XRCC1: variants seen among roughly 807,000 people sequenced by gnomAD.
XRCC1 encodes DNA repair protein XRCC1.
XRCC1 carries 52 observed loss-of-function variants against 83.3 expected under a neutral mutation model. The observed-to-expected ratio is 0.62, with a 90% CI of 0.50 to 0.79. The LOEUF (loss-of-function observed/expected upper bound fraction) is 0.79. Among genes scored for constraint, XRCC1 ranks in the 30% least tolerant of loss-of-function variants. The pLI, the probability that XRCC1 is intolerant of heterozygous loss-of-function variation, is 0.00. For synonymous variants in XRCC1, 281 were observed against 312.6 expected, an observed-to-expected ratio of 0.90 and a Z score of 1.07; for missense variants, 793 against 823.5, an observed-to-expected ratio of 0.96 and a Z score of 0.45.
At chr19:43,552,562 A>T (rs976803837) in intron 8 of XRCC1, among the ~76,000 whole-genome samples, 3 of 126,050 alleles carry the variant, frequency 2.4e-5, no homozygotes, top group African/African-American at 9.3e-5. Context: ...CTCCTCTCTC[A>T]GACCCAGGGG....
At chr19:43,573,681 T>C (rs1405961099) in intron 2 of XRCC1, among the ~76,000 whole-genome samples, 1 of 151,960 alleles carries the variant, frequency 6.6e-6, no homozygotes, top group Non-Finnish European at 1.5e-5. Context: ...GAGACCAGCC[T>C]GGCAACATGG....
chr19:43,573,296 T>G (rs1972822740), intron 2 of XRCC1, among the ~76,000 whole-genome samples: 1 of 152,124 alleles, frequency 6.6e-6, no homozygotes, highest in South Asian at 2.1e-4. Context: ...TCCATGAGAT[T>G]CCACAGTTTT....
At chr19:43,562,475 G>A (rs1972710235) in intron 2 of XRCC1, among the ~76,000 whole-genome samples, 1 of 152,164 alleles carries the variant, frequency 6.6e-6, no homozygotes, top group African/African-American at 2.4e-5. Flanking sequence ...CAGGCGCAGT[G>A]GCTCACGTCT....
chr19:43,551,739 A>G (rs1972577355), intron 9 of XRCC1, 52 bp from the exon 10 acceptor site: 5 of 1,386,318 alleles, frequency 3.6e-6, no homozygotes, highest in Non-Finnish European at 5.1e-6. Flanking sequence ...TGAGGGGCAA[A>G]GGGGAACGAG....
At chr19:43,546,293 C>T (rs1972508870) in intron 12 of XRCC1, among the ~76,000 whole-genome samples, 187 bp from the exon 13 acceptor site, 1 of 150,638 alleles carries the variant, frequency 6.6e-6, no homozygotes, top group Non-Finnish European at 1.5e-5. Flanking sequence ...CCTCCTCCCT[C>T]AGACCCAGGA....
At chr19:43,555,540 A>G (rs1019946605) in intron 3 of XRCC1, 57 of 152,314 alleles carry the variant, frequency 3.7e-4, no homozygotes, top group African/African-American at 1.3e-3. Context: ...AAACAGCCTC[A>G]TTCAGCCCCT....
chr19:43,575,390 C>T lies in XRCC1; in HGVS notation c.51+18G>A, dbSNP rs201621715. 1.4e-4 allele frequency: 230 copies of T among 1,591,912 alleles called. No homozygotes were observed. The African/African-American group carries it at 2.9e-3, about 20-fold the overall frequency. On this transcript the variant is annotated intron_variant, in intron 1 of 16. Coordinates refer to ENST00000262887, the MANE Select transcript of XRCC1 (RefSeq NM_006297.3). ...AATTCCCTCACGTCTTCCAACCTCCCCCATGCAGGTCCCTCACCGAGTCCT... is the reference window on the plus strand; with the variant it reads ...AATTCCCTCACGTCTTCCAACCTCCTCCATGCAGGTCCCTCACCGAGTCCT...
chr19:43,575,145 T>G (rs961976899), intron 1 of XRCC1, 143 bp from the exon 2 acceptor site: 1 of 792,072 alleles, frequency 1.3e-6, no homozygotes, highest in Non-Finnish European at 2.1e-6. Flanking sequence ...ACACTCTGCC[T>G]GGAGTTTCCC....
rs960861282 is a variant in XRCC1 at position 43,551,627 on chromosome 19, C to T, written c.1143G>A (p.Val381=). The change falls in exon 10 of 17, where the codon GTG becomes GTA. Residue 381 remains valine (V), a synonymous_variant. Transcript: ENST00000262887. ...GACAGTCCAGCACCCACTCCTTACG[C>T]ACGATGCGGCCTCCCAGGCCTAGGA... is the stretch of plus-strand genomic sequence containing the variant. ...SQVLGLGGRI[V]RKEWVLDCHR... is the part of the protein sequence containing the mutation. 2 of 1,614,238 alleles carry T rather than the reference C, an allele frequency of 1.2e-6. No homozygotes were observed. Among genetic ancestry groups the T allele is most frequent in the Non-Finnish European group, 8.5e-7 (1 of 1,180,044 alleles).
rs199748521 is a variant in XRCC1, at chr19:43,544,181, G to C, written c.1675C>G (p.Arg559Gly). Reference protein sequence around the residue: ...FLYGEFPGDERRKLIRYVTAF... With the variant: ...FLYGEFPGDEGRKLIRYVTAF... ...GTGACGTATCGGATGAGTTTCCGCC[G>C]CTCGTCCCCAGGGAACTCCCCGTAA... is the stretch of plus-strand genomic sequence containing the variant. Residue 559 changes from arginine (R) to glycine (G), a missense_variant, in exon 15 of 17, where the codon CGG (arginine) becomes GGG (glycine). By Grantham distance (125) the Arg-to-Gly change is moderately radical (BLOSUM62 -2). Coordinates refer to ENST00000262887, the MANE Select transcript of XRCC1 (RefSeq NM_006297.3). 1.2e-6 allele frequency: 2 copies of C among 1,610,468 alleles called. No individual in the cohort carries two copies. Among genetic ancestry groups the C allele is most frequent in the South Asian group, 2.2e-5 (2 of 90,170 alleles).
intron 8 of XRCC1, among the ~76,000 whole-genome samples, 162 bp downstream of exon 8, chr19:43,552,635 C>CA (rs1972592622): frequency 1.3e-5 from 2 of 148,806 alleles, no homozygotes; most frequent in Admixed American, 6.7e-5. Flanking sequence ...CCTCCTCCCT[C>CA]GGATTCAGGA....
At position 43,546,060 on chromosome 19, in the gene XRCC1, C is replaced by A; in HGVS notation, c.1473G>T (p.Glu491Asp). 2 of 1,611,742 alleles carry A rather than the reference C, an allele frequency of 1.2e-6. No individual in the cohort carries two copies. The highest frequency in any genetic ancestry group is 1.7e-6 in the Non-Finnish European group (2 of 1,179,286). The change falls in exon 13 of 17, where the codon GAG becomes GAT. Residue 491 changes from glutamate to aspartate, a missense_variant. Glu to Asp is a conservative substitution (Grantham distance 45). Transcript: ENST00000262887. ...CCCAGCCCCAGCCCTACCTCCTCAG[C>A]TCATCCTCTGTGTCCCCAGAATCTT... ...GAEDSGDTEDELRRVAEQKEH... is the reference protein window; with the variant it reads ...GAEDSGDTEDDLRRVAEQKEH...
At chr19:43,557,881 G>A (rs1972655890) in intron 3 of XRCC1, among the ~76,000 whole-genome samples, 1 of 151,382 alleles carries the variant, frequency 6.6e-6, no homozygotes, top group Non-Finnish European at 1.5e-5. Context: ...GTGACTTTGG[G>A]TTTGTGCCTT....
intron 4 of XRCC1, among the ~76,000 whole-genome samples, chr19:43,554,302 G>C (rs1972612957): frequency 6.6e-6 from 1 of 152,174 alleles, no homozygotes; most frequent in Admixed American, 6.5e-5. Context: ...CAGCTAAAAA[G>C]TGGTATAGCC....
In XRCC1 at chr19:43,551,999, A is replaced by AG. The variant is rs372112791; in HGVS notation, c.1082+17dup. On this transcript the variant is annotated intron_variant, in intron 9 of 16. Coordinates refer to ENST00000262887, the MANE Select transcript of XRCC1 (RefSeq NM_006297.3). Reference sequence around the variant, plus strand: ...GGGGAGAAACTGCAGCGGCGCAGGGAGGGGGGCGCAAGCCTACATGAGGTG... The same window carrying AG: ...GGGGAGAAACTGCAGCGGCGCAGGGAGGGGGGGCGCAAGCCTACATGAGGTG... 1,953 of 1,611,888 alleles carry AG rather than the reference A, an allele frequency of 1.2e-3. 20 individuals carry two copies. In the African/African-American group the frequency reaches 0.021, roughly 17 times the overall value.
At chr19:43,560,417 AAG>A (rs1972686277) in intron 3 of XRCC1, among the ~76,000 whole-genome samples, 1 of 152,100 alleles carries the variant, frequency 6.6e-6, no homozygotes, top group African/African-American at 2.4e-5. Context: ...AAAAAAGAAA[AAG>A]AAAAAAAGAA....
At chr19:43,547,585 G>A (rs1398132505) in intron 10 of XRCC1, among the ~76,000 whole-genome samples, 1 of 151,620 alleles carries the variant, frequency 6.6e-6, no homozygotes, top group Non-Finnish European at 1.5e-5. Context: ...GGGTTCGAGC[G>A]AGTCTCCTGC....
chr19:43,543,388 T>C lies in XRCC1; in HGVS notation c.*4A>G, dbSNP rs1385821287. The C allele has an allele frequency of 6.7e-7, 1 of 1,481,692 alleles. No homozygotes were observed. The highest frequency in any genetic ancestry group is 2.3e-5 in the East Asian group (1 of 44,024). The allele number at this position is 1,481,692 out of a possible 1,614,324, so 91.8% of individuals were successfully genotyped here. ...TGTGTGTGTGTGTGTGTATAGCACA[T>C]ACTTCAGGCTTGCGGCACCACCCCA... On this transcript the variant is annotated 3_prime_UTR_variant, in exon 17 of 17. Transcript: ENST00000262887.
At chr19:43,561,309 T>C (rs1293242830) in intron 2 of XRCC1, among the ~76,000 whole-genome samples, 7 of 152,206 alleles carry the variant, frequency 4.6e-5, no homozygotes, top group Non-Finnish European at 7.3e-5. Context: ...CACACTGCCA[T>C]AGAGCTCTCC....
Sources: gnomAD v4.1 joint callset for allele counts (sites outside exome capture counted in the v4.1 genomes callset) on GRCh38, gnomAD v4.1.1 for gene constraint, MANE v1.5 for transcripts, NCBI Gene and HGNC (gene_info 2026-07-23, HGNC 2026-07-21) for gene names.